The following HOMER1 variants were observed in gnomAD, a reference collection of about 807,000 sequenced individuals.
HOMER1 encodes homer protein homolog 1.
Under a neutral mutation model 48.9 loss-of-function variants are expected in HOMER1, and 3 were observed. That is an observed-to-expected ratio of 0.06 (90% CI 0.03 to 0.16). The LOEUF (loss-of-function observed/expected upper bound fraction) is 0.16. Ranked by LOEUF, HOMER1 falls within the 10% of genes least tolerant of loss-of-function variation. HOMER1 has a pLI of 1.00. For synonymous variants in HOMER1, 134 were observed against 146.4 expected, an observed-to-expected ratio of 0.92 and a Z score of 0.61; for missense variants, 247 against 411.4, an observed-to-expected ratio of 0.60 and a Z score of 3.46.
intron 1 of HOMER1, among the ~76,000 whole-genome samples, chr5:79,489,574 A>G (rs1752212168): frequency 6.6e-6 from 1 of 152,104 alleles, no homozygotes; most frequent in African/African-American, 2.4e-5. Flanking sequence ...AATAAATAAA[A>G]ATAAAAATAA....
At chr5:79,436,546 T>C (rs1750590146) in intron 5 of HOMER1, among the ~76,000 whole-genome samples, 1 of 152,246 alleles carries the variant, frequency 6.6e-6, no homozygotes, top group Admixed American at 6.5e-5. Flanking sequence ...TTTTACAATA[T>C]AGTCAGCGCA....
intron 8 of HOMER1, among the ~76,000 whole-genome samples, chr5:79,386,651 T>C (rs1008778415): frequency 1.3e-5 from 2 of 152,122 alleles, no homozygotes; most frequent in Non-Finnish European, 2.9e-5. Flanking sequence ...AGATAAGTAC[T>C]CAAGGAGCTG....
chr5:79,378,232 A>AG (rs1748830018), intron 8 of HOMER1, among the ~76,000 whole-genome samples: 1 of 150,950 alleles, frequency 6.6e-6, no homozygotes, highest in East Asian at 1.9e-4. Flanking sequence ...CAAAAAAAAA[A>AG]AAAAAAAAAG....
intron 1 of HOMER1, among the ~76,000 whole-genome samples, chr5:79,502,896 T>C (rs559194886): frequency 1.2e-4 from 18 of 152,316 alleles, no homozygotes; most frequent in Middle Eastern, 3.4e-3. Context: ...GTTCACGCCA[T>C]TCTCCTGCCT....
At chr5:79,440,297 AACGTGGTGAG>A (rs1750704655) in intron 4 of HOMER1, among the ~76,000 whole-genome samples, 1 of 152,248 alleles carries the variant, frequency 6.6e-6, no homozygotes, top group South Asian at 2.1e-4. Flanking sequence ...TGTAAATATT[AACGTGGTGAG>A]ACTTTTGTTT....
intron 1 of HOMER1, among the ~76,000 whole-genome samples, chr5:79,458,368 G>C (rs1751228583): frequency 6.7e-6 from 1 of 149,060 alleles, no homozygotes; most frequent in African/African-American, 2.6e-5. Context: ...ATGTCATAAA[G>C]AAAATTTTAA....
chr5:79,466,363 CG>C (rs1751463991), intron 1 of HOMER1, among the ~76,000 whole-genome samples: 1 of 151,804 alleles, frequency 6.6e-6, no homozygotes, highest in South Asian at 2.1e-4. Context: ...AAAAATTAGC[CG>C]GGCATGGTGG....
intron 1 of HOMER1, among the ~76,000 whole-genome samples, chr5:79,512,266 T>C (rs1752964607): frequency 6.6e-6 from 1 of 152,246 alleles, no homozygotes; most frequent in African/African-American, 2.4e-5. Flanking sequence ...ATCAATTCTA[T>C]ACATTTTAGC....
At chr5:79,428,999 A>G (rs1240252088) in intron 5 of HOMER1, among the ~76,000 whole-genome samples, 1 of 152,240 alleles carries the variant, frequency 6.6e-6, no homozygotes, top group East Asian at 1.9e-4. Context: ...TGAGGAGTCA[A>G]AACAATCTTG....
chr5:79,392,085 T>A (rs1229042357), intron 8 of HOMER1, among the ~76,000 whole-genome samples: 1 of 152,178 alleles, frequency 6.6e-6, no homozygotes, highest in Non-Finnish European at 1.5e-5. Context: ...GCATAGCACA[T>A]ACAATTATGT....
In HOMER1 at chr5:79,494,321, G is replaced by A. The variant is rs144731849; in HGVS notation, c.5+18449C>T. On this transcript the variant is annotated intron_variant, in intron 1 of 8. Transcript: ENST00000334082. ...TATAAAGCATTCCCACGGGGCTGAC[G>A]ACAAATATCTCAAGGTTCCTTCAAT... Among the ~76,000 whole-genome samples, 9 of 152,260 alleles carry A rather than the reference G, an allele frequency of 5.9e-5. No homozygotes were observed. The East Asian group carries it at 1.2e-3, about 20-fold the overall frequency.
At chr5:79,493,812 A>T (rs1752352094) in intron 1 of HOMER1, among the ~76,000 whole-genome samples, 1 of 152,162 alleles carries the variant, frequency 6.6e-6, no homozygotes, top group South Asian at 2.1e-4. Context: ...AACAAAACCA[A>T]AAGAATTTCC....
intron 8 of HOMER1, among the ~76,000 whole-genome samples, chr5:79,385,152 T>C (rs979108176): frequency 1.3e-5 from 2 of 151,932 alleles, no homozygotes; most frequent in African/African-American, 4.8e-5. Context: ...AACTATAAAA[T>C]TACTAGAAGA....
At chr5:79,396,619 G>A (rs1264608617) in intron 8 of HOMER1, among the ~76,000 whole-genome samples, 3 of 151,838 alleles carry the variant, frequency 2.0e-5, no homozygotes, top group Admixed American at 2.0e-4. Context: ...ATTTATAAAT[G>A]ACCATCTATG....
At chr5:79,438,719 C>T (rs989962722) in intron 5 of HOMER1, among the ~76,000 whole-genome samples, 1 of 152,066 alleles carries the variant, frequency 6.6e-6, no homozygotes, top group Non-Finnish European at 1.5e-5. Flanking sequence ...AAGCAACTTA[C>T]AAGATTTTAT....
intron 8 of HOMER1, among the ~76,000 whole-genome samples, chr5:79,384,772 A>G (rs1443072261): frequency 1.3e-5 from 2 of 152,226 alleles, no homozygotes; most frequent in African/African-American, 2.4e-5. Flanking sequence ...AACTGAATTC[A>G]ACAGTGTATC....
At chr5:79,453,594 T>C (rs942920419) in intron 2 of HOMER1, among the ~76,000 whole-genome samples, 2 of 152,178 alleles carry the variant, frequency 1.3e-5, no homozygotes, top group Non-Finnish European at 2.9e-5. Flanking sequence ...AAAATAAATA[T>C]GTCTCTCAAC....
intron 4 of HOMER1, among the ~76,000 whole-genome samples, chr5:79,440,073 T>C (rs1580452726): frequency 6.6e-6 from 1 of 152,062 alleles, no homozygotes; most frequent in East Asian, 1.9e-4. Flanking sequence ...TCTGTCTATA[T>C]TTGGGAGAAA....
At chr5:79,402,214 G>GGA (rs1460442937) in intron 5 of HOMER1, among the ~76,000 whole-genome samples, 159 bp from the exon 6 acceptor site, 6 of 149,134 alleles carry the variant, frequency 4.0e-5, no homozygotes, top group African/African-American at 1.5e-4. Flanking sequence ...TGCCCAGGCT[G>GGA]GAGTGTAGTG....
Sources: gnomAD v4.1 joint callset for allele counts (sites outside exome capture counted in the v4.1 genomes callset) on GRCh38, gnomAD v4.1.1 for gene constraint, MANE v1.5 for transcripts, NCBI Gene and HGNC (gene_info 2026-07-23, HGNC 2026-07-21) for gene names.